SNX25: variants seen among roughly 807,000 people sequenced by gnomAD.
The protein encoded by SNX25 is sorting nexin 25.
A neutral mutation model predicts 113.7 loss-of-function variants in SNX25; 62 were observed. That is an observed-to-expected ratio of 0.55 (90% CI 0.44 to 0.67). SNX25 has a LOEUF of 0.67. SNX25 is among the 30% of genes least tolerant of loss of function. The pLI, the probability that SNX25 is intolerant of heterozygous loss-of-function variation, is 0.00. For synonymous variants in SNX25, 421 were observed against 436.2 expected (o/e 0.97, Z 0.43); for missense variants, 1,014 against 1,161.0 (o/e 0.87, Z 1.84).
intron 1 of SNX25, among the ~76,000 whole-genome samples, chr4:185,215,271 G>A (rs1579311283): frequency 6.6e-6 from 1 of 152,090 alleles, no homozygotes; most frequent in Non-Finnish European, 1.5e-5. Context: ...TAAGCACATG[G>A]CACTGTTTTG....
intron 9 of SNX25, among the ~76,000 whole-genome samples, chr4:185,324,976 C>T (rs186864242): frequency 8.1e-4 from 123 of 152,224 alleles, no homozygotes; most frequent in Non-Finnish European, 2.2e-4. Flanking sequence ...GTTAATTAGG[C>T]AGGGTAAGAA....
At chr4:185,367,726 T>A (rs1441531802), downstream of SNX25, among the ~76,000 whole-genome samples, 1 of 152,250 alleles carries the variant, frequency 6.6e-6, no homozygotes, top group Non-Finnish European at 1.5e-5. Flanking sequence ...AACCCCATTC[T>A]ATGCAGTAAT....
rs1326016229 is a variant in SNX25, at chr4:185,334,606, A to T, written c.1914+1847A>T. ...AGAACAGTTGTCTTATTTATTCTGG[A>T]TTCATCTCATTATAAATTAAAATGC... On this transcript the variant is annotated intron_variant, in intron 10 of 18. Coordinates refer to ENST00000652585, the MANE Select transcript of SNX25 (RefSeq NM_001378034.2). This position sits in a 1 kb window ranked among gnomAD's most constrained non-coding sequence, Gnocchi z 4.2. 6.6e-6 allele frequency among the ~76,000 whole-genome samples: 1 copy of T among 152,210 alleles called. No individual in the cohort carries two copies. Among genetic ancestry groups the T allele is most frequent in the Non-Finnish European group, 1.5e-5 (1 of 68,040 alleles).
intron 11 of SNX25, among the ~76,000 whole-genome samples, chr4:185,340,115 A>G (rs2095252356): frequency 6.6e-6 from 1 of 152,196 alleles, no homozygotes; most frequent in Non-Finnish European, 1.5e-5. Context: ...TGTCAAGTGG[A>G]AACCTGGAGA....
intron 2 of SNX25, among the ~76,000 whole-genome samples, chr4:185,248,259 G>A (rs1285128357): frequency 4.6e-5 from 7 of 152,038 alleles, no homozygotes; most frequent in Admixed American, 4.6e-4. Flanking sequence ...AAAACTTACT[G>A]GATTTAAAAT....
intron 1 of SNX25, among the ~76,000 whole-genome samples, chr4:185,241,343 C>T (rs895116404): frequency 3.3e-5 from 5 of 151,792 alleles, no homozygotes; most frequent in African/African-American, 4.8e-5. Context: ...TCAGGCGTGG[C>T]GGCGCGCGCC....
At chr4:185,239,225 T>G (rs1329857658) in intron 1 of SNX25, among the ~76,000 whole-genome samples, 1 of 151,026 alleles carries the variant, frequency 6.6e-6, no homozygotes, top group East Asian at 2.0e-4. Context: ...CTCACACCTG[T>G]AATCCCAGCA....
At chr4:185,349,179 TA>T (rs911023507) in intron 13 of SNX25, among the ~76,000 whole-genome samples, 1 of 152,092 alleles carries the variant, frequency 6.6e-6, no homozygotes, top group East Asian at 1.9e-4. Flanking sequence ...CTGATGAGCT[TA>T]AAAAAAATCA....
At chr4:185,230,065 A>T (rs761926530) in intron 1 of SNX25, among the ~76,000 whole-genome samples, 1 of 152,112 alleles carries the variant, frequency 6.6e-6, no homozygotes, top group Non-Finnish European at 1.5e-5. Context: ...TCCTGGCTCA[A>T]GTCAAGGGCC....
intron 9 of SNX25, among the ~76,000 whole-genome samples, chr4:185,332,197 A>G (rs933331977): frequency 1.3e-5 from 2 of 152,214 alleles, no homozygotes; most frequent in African/African-American, 4.8e-5. Flanking sequence ...AGGGGCTTGC[A>G]TGAGTTTTTA....
chr4:185,277,355 G>T (rs1181053741), intron 5 of SNX25, among the ~76,000 whole-genome samples: 1 of 152,138 alleles, frequency 6.6e-6, no homozygotes, highest in Non-Finnish European at 1.5e-5. Context: ...AAAAAGTGGT[G>T]CTAAGTCCCT....
In SNX25 at chr4:185,334,725, A is replaced by G. The variant is rs760720240; in HGVS notation, c.1914+1966A>G. ...TGAAAGACATTATTCAGCCTTTCTT[A>G]AAATAACTTCTGATAACCATGGAAT... is the stretch of plus-strand genomic sequence containing the variant. On this transcript the variant is annotated intron_variant, in intron 10 of 18. Coordinates refer to ENST00000652585, the MANE Select transcript of SNX25 (RefSeq NM_001378034.2). This position sits in a 1 kb window ranked among gnomAD's most constrained non-coding sequence, Gnocchi z 4.2. Among the ~76,000 whole-genome samples the G allele has an allele frequency of 4.6e-5, 7 of 152,364 alleles. No homozygotes were observed. Among genetic ancestry groups the G allele is most frequent in the Non-Finnish European group, 1.0e-4 (7 of 68,030 alleles).
At chr4:185,263,134 C>T (rs1280208639) in intron 3 of SNX25, among the ~76,000 whole-genome samples, 3 of 152,136 alleles carry the variant, frequency 2.0e-5, no homozygotes, top group East Asian at 1.9e-4. Flanking sequence ...GAGTACCAGG[C>T]TCCTTTATTA....
At chr4:185,315,021 G>T (rs2095060803) in intron 7 of SNX25, among the ~76,000 whole-genome samples, 1 of 151,650 alleles carries the variant, frequency 6.6e-6, no homozygotes, top group Admixed American at 6.6e-5. Flanking sequence ...GAGGTCAGGA[G>T]ATCGAGACCA....
chr4:185,238,455 A>G (rs1184305580), intron 1 of SNX25, among the ~76,000 whole-genome samples: 1 of 152,112 alleles, frequency 6.6e-6, no homozygotes, highest in Non-Finnish European at 1.5e-5. Flanking sequence ...AGGGATATGC[A>G]TATTTTCTTC....
intron 1 of SNX25, among the ~76,000 whole-genome samples, chr4:185,227,130 A>G (rs1181448973): frequency 6.6e-6 from 1 of 152,246 alleles, no homozygotes; most frequent in Non-Finnish European, 1.5e-5. Context: ...TTTTTGGAGC[A>G]AGGAAAATGT....
At chr4:185,371,353 C>A (rs576861416), downstream of SNX25, among the ~76,000 whole-genome samples, 11 of 152,090 alleles carry the variant, frequency 7.2e-5, no homozygotes, top group South Asian at 2.3e-3. Flanking sequence ...TCCTGGCTAA[C>A]ATGGTGAAAC....
chr4:185,373,412 T>C (rs2095422524), downstream of SNX25, among the ~76,000 whole-genome samples: 1 of 152,036 alleles, frequency 6.6e-6, no homozygotes, highest in African/African-American at 2.4e-5. Context: ...CTGAAAGGCG[T>C]GAGGCACAGC....
At chr4:185,244,180 A>G (rs1744497687) in intron 1 of SNX25, among the ~76,000 whole-genome samples, 1 of 152,112 alleles carries the variant, frequency 6.6e-6, no homozygotes, top group Non-Finnish European at 1.5e-5. Flanking sequence ...TAAATTTTAG[A>G]TGGGGTTTCA....
Sources: allele counts gnomAD v4.1 joint callset (sites outside exome capture counted in the v4.1 genomes callset), GRCh38; gene constraint gnomAD v4.1.1; non-coding constraint Gnocchi (gnomAD v3.1); transcripts MANE v1.5; gene names NCBI Gene and HGNC (gene_info 2026-07-23, HGNC 2026-07-21).